Variants in EVL observed in about 807,000 individuals in gnomAD.
The protein encoded by EVL is Enah/Vasp-like.
In EVL, 21 loss-of-function variants were observed where a neutral mutation model predicts 59.6. That is an observed-to-expected ratio of 0.35 (90% CI 0.25 to 0.51). The LOEUF (loss-of-function observed/expected upper bound fraction) is 0.51, where lower values mean the gene tolerates loss of function less well. EVL is among the 20% of genes least tolerant of loss of function. The pLI is 0.97. For synonymous variants in EVL, 198 were observed against 203.5 expected (o/e 0.97, Z 0.23); for missense variants, 462 against 546.6 (o/e 0.85, Z 1.54).
At chr14:100,054,894 C>G (rs1283498622) in intron 1 of EVL, among the ~76,000 whole-genome samples, 1 of 152,168 alleles carries the variant, frequency 6.6e-6, no homozygotes, top group African/African-American at 2.4e-5. Context: ...GTCAACCAGC[C>G]TGTGACAACC....
rs547669565 is a variant in EVL, at chr14:99,978,257, C to T, written c.5+6200C>T. ...ACTAAAAAAAAATACAAAAAATTAG[C>T]CGGGCATGGTGGCGGGTGCCTGTAG... On this transcript the variant is annotated intron_variant, in intron 1 of 13. Coordinates refer to the EVL transcript ENST00000402714. 4.8e-4 allele frequency among the ~76,000 whole-genome samples: 73 copies of T among 152,034 alleles called. No homozygotes were observed. In the South Asian group the frequency reaches 6.0e-3, roughly 13 times the overall value.
At chr14:100,042,806 C>T (rs1212084801) in intron 1 of EVL, among the ~76,000 whole-genome samples, 1 of 152,178 alleles carries the variant, frequency 6.6e-6, no homozygotes, top group Non-Finnish European at 1.5e-5. Flanking sequence ...GACCCCAGTT[C>T]CGGGAATGCC....
At chr14:100,140,023 G>T in intron 11 of EVL, 1 of 152,246 alleles carries the variant, frequency 6.6e-6, no homozygotes, top group Non-Finnish European at 1.5e-5. Flanking sequence ...GGAGGCCGAG[G>T]CGGGAGGATC....
chr14:99,980,994 G>A (rs949638956), intron 1 of EVL, among the ~76,000 whole-genome samples: 3 of 152,090 alleles, frequency 2.0e-5, no homozygotes, highest in Non-Finnish European at 1.5e-5. Flanking sequence ...CCAGCTACTC[G>A]GGAGGCTGAG....
At chr14:100,007,774 GGAGAGAGA>G (rs369729182) in intron 1 of EVL, among the ~76,000 whole-genome samples, 2 of 150,394 alleles carry the variant, frequency 1.3e-5, no homozygotes, top group Non-Finnish European at 3.0e-5. Context: ...CAGAGAGAGA[GGAGAGAGA>G]GAGAGAGAGA....
intron 1 of EVL, among the ~76,000 whole-genome samples, chr14:100,073,124 G>A (rs2062084484): frequency 6.6e-6 from 1 of 151,924 alleles, no homozygotes; most frequent in South Asian, 2.1e-4. Context: ...AAGTGATGAG[G>A]CCCCAGGGTG....
chr14:100,072,069 T>G (rs2062059130), intron 1 of EVL, among the ~76,000 whole-genome samples: 2 of 152,186 alleles, frequency 1.3e-5, no homozygotes, highest in African/African-American at 4.8e-5. Flanking sequence ...TGGCCTGAAT[T>G]CTTCACACAC....
upstream of EVL, among the ~76,000 whole-genome samples, chr14:100,063,716 T>C (rs535274828): frequency 6.6e-6 from 1 of 152,324 alleles, no homozygotes; most frequent in Non-Finnish European, 1.5e-5. Context: ...CATGACCTAA[T>C]TGACATTCTA....
intron 1 of EVL, among the ~76,000 whole-genome samples, chr14:100,008,070 C>G (rs1173762728): frequency 2.6e-5 from 4 of 152,196 alleles, no homozygotes; most frequent in Non-Finnish European, 5.9e-5. Flanking sequence ...TTCCTGGGGC[C>G]CAGAATCATC....
chr14:99,987,546 G>A (rs966613565), intron 1 of EVL, among the ~76,000 whole-genome samples: 3 of 152,222 alleles, frequency 2.0e-5, no homozygotes, highest in Non-Finnish European at 4.4e-5. Context: ...GGAGACTGAG[G>A]AAGGAGAATC....
At chr14:100,063,311 T>G (rs1016281144), upstream of EVL, among the ~76,000 whole-genome samples, 2 of 152,114 alleles carry the variant, frequency 1.3e-5, no homozygotes, top group African/African-American at 4.8e-5. Context: ...CTGCGTGCTT[T>G]GAAAGTGGAC....
chr14:100,070,919 A>G (rs1486811242), intron 1 of EVL, among the ~76,000 whole-genome samples: 2 of 152,220 alleles, frequency 1.3e-5, no homozygotes, highest in Non-Finnish European at 2.9e-5. Context: ...CTTAACGTCC[A>G]CGTGGCTGTC....
At chr14:99,980,427 G>A (rs963565405) in intron 1 of EVL, among the ~76,000 whole-genome samples, 1 of 152,126 alleles carries the variant, frequency 6.6e-6, no homozygotes, top group South Asian at 2.1e-4. Context: ...TGCCTCCCCC[G>A]GGGCCAGCCT....
chr14:100,071,104 G>A (rs1270804991), intron 1 of EVL, among the ~76,000 whole-genome samples: 1 of 152,158 alleles, frequency 6.6e-6, no homozygotes, highest in Non-Finnish European at 1.5e-5. Flanking sequence ...GCATCTGAGA[G>A]GGTGACATCC....
At chr14:100,082,786 C>T (rs1275416274) in intron 1 of EVL, among the ~76,000 whole-genome samples, 1 of 152,248 alleles carries the variant, frequency 6.6e-6, no homozygotes. Context: ...TCTCAGACCA[C>T]ATCACAGTGC....
intron 1 of EVL, among the ~76,000 whole-genome samples, chr14:100,045,529 C>T (rs906781337): frequency 6.6e-6 from 1 of 151,972 alleles, no homozygotes; most frequent in Non-Finnish European, 1.5e-5. Context: ...TTGCAAAGCA[C>T]TTCTCATATC....
At chr14:100,065,934 T>G (rs919620907) in intron 1 of EVL, among the ~76,000 whole-genome samples, 1 of 152,220 alleles carries the variant, frequency 6.6e-6, no homozygotes, top group Non-Finnish European at 1.5e-5. Context: ...GAGGGTTCTT[T>G]TTATGATAGG....
At chr14:100,085,971 A>T (rs1176544329) in intron 2 of EVL, among the ~76,000 whole-genome samples, 2 of 151,860 alleles carry the variant, frequency 1.3e-5, no homozygotes, top group South Asian at 2.1e-4. Context: ...ACTAAAAAAT[A>T]AAAAAAAATT....
intron 1 of EVL, among the ~76,000 whole-genome samples, chr14:100,050,831 C>T (rs1340648912): frequency 6.7e-6 from 1 of 149,864 alleles, no homozygotes; most frequent in Non-Finnish European, 1.5e-5. Context: ...CAGCTTCAAC[C>T]TCCCAGGCTC....
Sources: gnomAD v4.1 joint callset for allele counts (sites outside exome capture counted in the v4.1 genomes callset) on GRCh38, gnomAD v4.1.1 for gene constraint, MANE v1.5 for transcripts, NCBI Gene and HGNC (gene_info 2026-07-23, HGNC 2026-07-21) for gene names.